Variants in KRTAP10-8 observed in about 807,000 individuals in gnomAD.
KRTAP10-8 encodes the protein keratin associated protein 10-8.
For synonymous variants in KRTAP10-8, 153 were observed against 139.5 expected, an observed-to-expected ratio of 1.10 and a Z score of -0.68; for missense variants, 323 against 329.3, an observed-to-expected ratio of 0.98 and a Z score of 0.15.
rs139387695 is a variant in KRTAP10-8, at chr21:44,612,751, C to T, written c.651C>T (p.Cys217=). 2.7e-4 allele frequency: 428 copies of T among 1,613,856 alleles called. 2 individuals are homozygous for T. The highest frequency in any genetic ancestry group is 2.1e-3 in the Admixed American group (124 of 60,022). ...SSVSLLCRPV[C]RPACCVPVPS... ...TGTCCCTCCTCTGCCGCCCTGTGTG[C>T]CGGCCTGCCTGCTGTGTGCCTGTCC... is the stretch of plus-strand genomic sequence containing the variant. The change falls in exon 1 of 1, where the codon TGC becomes TGT. Residue 217 remains cysteine, a synonymous_variant. Coordinates refer to ENST00000334662, the MANE Select transcript of KRTAP10-8 (RefSeq NM_198695.2). This position sits in a 1 kb window ranked among gnomAD's most constrained non-coding sequence, Gnocchi z 4.1.
Position 44,612,092 on chromosome 21 carries a change from G to A in KRTAP10-8, c.-9G>A. 3.1e-6 allele frequency: 5 copies of A among 1,611,660 alleles called. No individual in the cohort carries two copies. The highest frequency in any genetic ancestry group is 4.2e-6 in the Non-Finnish European group (5 of 1,178,708). ...ACCAGCACTCACACCACCCAGTCCA[G>A]CACCCACCATGGCTGACGCCTGCTG... is the stretch of plus-strand genomic sequence containing the variant. On this transcript the variant is annotated 5_prime_UTR_variant, in exon 1 of 1. Coordinates refer to ENST00000334662, the MANE Select transcript of KRTAP10-8 (RefSeq NM_198695.2). The surrounding 1 kb of genome is among the most constrained non-coding windows in gnomAD (Gnocchi z 4.1).
rs782238327 is a variant in KRTAP10-8 at position 44,612,126 on chromosome 21, C to T, written c.26C>T (p.Thr9Met). The T allele has an allele frequency of 7.4e-6, 12 of 1,614,064 alleles. No homozygotes were observed. The highest frequency in any genetic ancestry group is 3.3e-5 in the Admixed American group (2 of 60,020). The change falls in exon 1 of 1, where the codon ACG (threonine) becomes ATG (methionine). Residue 9 changes from threonine to methionine, a missense_variant. Thr to Met is a moderately conservative substitution (Grantham distance 81, BLOSUM62 -1). Coordinates refer to ENST00000334662, the MANE Select transcript of KRTAP10-8 (RefSeq NM_198695.2). This position sits in a 1 kb window ranked among gnomAD's most constrained non-coding sequence, Gnocchi z 4.1. MADACCTR[T>M]YVIAASTMSV... Reference sequence around the variant, plus strand: ...ATGGCTGACGCCTGCTGCACCAGGACGTATGTGATTGCTGCATCCACCATG... The same window carrying T: ...ATGGCTGACGCCTGCTGCACCAGGATGTATGTGATTGCTGCATCCACCATG...
In KRTAP10-8 at chr21:44,612,204, C is replaced by G; in HGVS notation, c.104C>G (p.Thr35Ser). Residue 35 changes from threonine (T) to serine (S), a missense_variant, in exon 1 of 1, where the codon ACC becomes AGC. Physicochemically the swap from Thr to Ser is moderately conservative, Grantham distance 58 (BLOSUM62 1). Transcript: ENST00000334662. This position sits in a 1 kb window ranked among gnomAD's most constrained non-coding sequence, Gnocchi z 4.1. Reference sequence around the variant, plus strand: ...GTCAGCCGAGTCTCCTCCCCCAGCACCTGCACTGGCTCCTCCTGGCAGGTG... The same window carrying G: ...GTCAGCCGAGTCTCCTCCCCCAGCAGCTGCACTGGCTCCTCCTGGCAGGTG... ...GHVSRVSSPSTCTGSSWQVDN... is the reference protein window; with the variant it reads ...GHVSRVSSPSSCTGSSWQVDN... 2 of 1,614,008 alleles carry G rather than the reference C, an allele frequency of 1.2e-6. No individual in the cohort carries two copies. Among genetic ancestry groups the G allele is most frequent in the Non-Finnish European group, 1.7e-6 (2 of 1,180,006 alleles).
chr21:44,612,713 CCCT>C lies in KRTAP10-8; in HGVS notation c.622_624del (p.Ser208del). 6.2e-7 allele frequency: 1 copy of C among 1,613,876 alleles called. No homozygotes were observed. The highest frequency in any genetic ancestry group is 2.2e-5 in the East Asian group (1 of 44,874). On this transcript the variant is annotated inframe_deletion, in exon 1 of 1. Coordinates refer to ENST00000334662, the MANE Select transcript of KRTAP10-8 (RefSeq NM_198695.2). This position sits in a 1 kb window ranked among gnomAD's most constrained non-coding sequence, Gnocchi z 4.1. ...TTGCTGCACCACCTCCTGCTGCAGA[CCCT>C]CCTCCTCCGTGTCCCTCCTCTGCCG...
Position 44,612,448 on chromosome 21 carries a change from G to A in KRTAP10-8, c.348G>A (p.Gln116=), listed in dbSNP as rs145256772. 351 of 1,611,652 alleles carry A rather than the reference G, an allele frequency of 2.2e-4. 1 individual carries two copies. The African/African-American group carries it at 3.7e-3, about 17-fold the overall frequency. ...GCTGCACCTCCTCCCCCTGCCAACA[G>A]GCCTGCTGTGTGCCTGTGTGCTGCA... ...PACCTSSPCQ[Q]ACCVPVCCKS... The change falls in exon 1 of 1, where the codon CAG becomes CAA. Residue 116 remains glutamine (Q), a synonymous_variant. Transcript: ENST00000334662. This position sits in a 1 kb window ranked among gnomAD's most constrained non-coding sequence, Gnocchi z 4.1.
chr21:44,612,530 C>A lies in KRTAP10-8; in HGVS notation c.430C>A (p.Pro144Thr), dbSNP rs1981770157. The A allele has an allele frequency of 6.2e-7, 1 of 1,608,652 alleles. No individual in the cohort carries two copies. The part of the protein sequence containing the change: ...CVSICSGASS[P>T]CCQQSSCQSA... ...GTCCATCTGCTCTGGAGCTTCCTCC[C>A]CATGCTGCCAGCAGTCTAGCTGCCA... The change falls in exon 1 of 1, where the codon CCA (proline) becomes ACA (threonine). Residue 144 changes from proline to threonine, a missense_variant. Physicochemically the swap from Pro to Thr is conservative, Grantham distance 38 (BLOSUM62 -1). Coordinates refer to ENST00000334662, the MANE Select transcript of KRTAP10-8 (RefSeq NM_198695.2). The surrounding 1 kb of genome is among the most constrained non-coding windows in gnomAD (Gnocchi z 4.1).
Position 44,612,369 on chromosome 21 carries a change from G to A in KRTAP10-8, c.269G>A (p.Cys90Tyr), listed in dbSNP as rs781940173. ...GAGCCCAGCCCCTGCCAATCAGGCT[G>A]CACCGACTCCTGCACACCTTCATGC... Reference protein sequence around the residue: ...SCEPSPCQSGCTDSCTPSCCQ... With the variant: ...SCEPSPCQSGYTDSCTPSCCQ... The change falls in exon 1 of 1, where the codon TGC (cysteine) becomes TAC (tyrosine). Residue 90 changes from cysteine (C) to tyrosine (Y), a missense_variant. Transcript: ENST00000334662. The surrounding 1 kb of genome is among the most constrained non-coding windows in gnomAD (Gnocchi z 4.1). 1.2e-6 allele frequency: 2 copies of A among 1,614,006 alleles called. No individual in the cohort carries two copies. The highest frequency in any genetic ancestry group is 3.3e-5 in the Admixed American group (2 of 60,018).
In KRTAP10-8 at chr21:44,612,135, T is replaced by C; in HGVS notation, c.35T>C (p.Ile12Thr). 1.2e-6 allele frequency: 2 copies of C among 1,614,094 alleles called. No individual in the cohort carries two copies. The highest frequency in any genetic ancestry group is 1.7e-6 in the Non-Finnish European group (2 of 1,180,002). The change falls in exon 1 of 1, where the codon ATT becomes ACT. Residue 12 changes from isoleucine (I) to threonine (T), a missense_variant. Physicochemically the swap from Ile to Thr is moderately conservative, Grantham distance 89. Transcript: ENST00000334662. The surrounding 1 kb of genome is among the most constrained non-coding windows in gnomAD (Gnocchi z 4.1). ...ADACCTRTYV[I>T]AASTMSVCSS... ...GCCTGCTGCACCAGGACGTATGTGA[T>C]TGCTGCATCCACCATGTCTGTCTGC...
chr21:44,612,779 T>A lies in KRTAP10-8; in HGVS notation c.679T>A (p.Ser227Thr). Residue 227 changes from serine (S) to threonine (T), a missense_variant, in exon 1 of 1, where the codon TCC becomes ACC. Physicochemically the swap from Ser to Thr is moderately conservative, Grantham distance 58. Coordinates refer to ENST00000334662, the MANE Select transcript of KRTAP10-8 (RefSeq NM_198695.2). This position sits in a 1 kb window ranked among gnomAD's most constrained non-coding sequence, Gnocchi z 4.1. The part of the protein sequence containing the change: ...CRPACCVPVP[S>T]CCVPASSCQP... Reference sequence around the variant, plus strand: ...GCCTGCCTGCTGTGTGCCTGTCCCCTCCTGTTGTGTCCCTGCCTCCTCCTG... The same window carrying A: ...GCCTGCCTGCTGTGTGCCTGTCCCCACCTGTTGTGTCCCTGCCTCCTCCTG... The A allele has an allele frequency of 2.5e-6, 4 of 1,613,088 alleles. No homozygotes were observed. The highest frequency in any genetic ancestry group is 3.4e-6 in the Non-Finnish European group (4 of 1,179,828).
In KRTAP10-8 at chr21:44,612,110, G is replaced by A. The variant is rs991800614; in HGVS notation, c.10G>A (p.Ala4Thr). Residue 4 changes from alanine to threonine, a missense_variant, in exon 1 of 1, where the codon GCC becomes ACC. By Grantham distance (58) the Ala-to-Thr change is moderately conservative (BLOSUM62 0). Transcript: ENST00000334662. The surrounding 1 kb of genome is among the most constrained non-coding windows in gnomAD (Gnocchi z 4.1). ...CAGTCCAGCACCCACCATGGCTGAC[G>A]CCTGCTGCACCAGGACGTATGTGAT... MAD[A>T]CCTRTYVIAA... is the part of the protein sequence containing the mutation. 12 of 1,613,432 alleles carry A rather than the reference G, an allele frequency of 7.4e-6. No homozygotes were observed. Among genetic ancestry groups the A allele is most frequent in the South Asian group, 4.4e-5 (4 of 91,040 alleles).
At chr21:44,612,537 G>GC in the KRTAP10-8 span, 1 of 1,612,352 alleles carries the variant, frequency 6.2e-7, no homozygotes, top group Non-Finnish European at 8.5e-7. The surrounding 1 kb of genome is among the most constrained non-coding windows in gnomAD (Gnocchi z 4.1). Context: ...TCCCCATGCT[G>GC]CCAGCAGTCT....
the KRTAP10-8 span, chr21:44,612,425 T>TGCAC: frequency 3.1e-6 from 5 of 1,613,960 alleles, no homozygotes; most frequent in Non-Finnish European, 4.2e-6. This position sits in a 1 kb window ranked among gnomAD's most constrained non-coding sequence, Gnocchi z 4.1. Context: ...GCCGGCTTGC[T>TGCAC]GCACCTCCTC....
Position 44,612,112 on chromosome 21 carries a change from C to G in KRTAP10-8, c.12C>G (p.Ala4=). The change falls in exon 1 of 1, where the codon GCC becomes GCG. Residue 4 remains alanine, a synonymous_variant. Coordinates refer to ENST00000334662, the MANE Select transcript of KRTAP10-8 (RefSeq NM_198695.2). The surrounding 1 kb of genome is among the most constrained non-coding windows in gnomAD (Gnocchi z 4.1). ...GTCCAGCACCCACCATGGCTGACGC[C>G]TGCTGCACCAGGACGTATGTGATTG... MAD[A]CCTRTYVIAA... 2 of 1,613,534 alleles carry G rather than the reference C, an allele frequency of 1.2e-6. No individual in the cohort carries two copies. The highest frequency in any genetic ancestry group is 1.7e-6 in the Non-Finnish European group (2 of 1,179,730).
At position 44,612,740 on chromosome 21, in the gene KRTAP10-8, C is replaced by A; in HGVS notation, c.640C>A (p.Arg214Ser). Reference protein sequence around the residue: ...RPSSSVSLLCRPVCRPACCVP... With the variant: ...RPSSSVSLLCSPVCRPACCVP... Reference sequence around the variant, plus strand: ...CTCCTCCTCCGTGTCCCTCCTCTGCCGCCCTGTGTGCCGGCCTGCCTGCTG... The same window carrying A: ...CTCCTCCTCCGTGTCCCTCCTCTGCAGCCCTGTGTGCCGGCCTGCCTGCTG... The change falls in exon 1 of 1, where the codon CGC (arginine) becomes AGC (serine). Residue 214 changes from arginine (R) to serine (S), a missense_variant. Coordinates refer to ENST00000334662, the MANE Select transcript of KRTAP10-8 (RefSeq NM_198695.2). This position sits in a 1 kb window ranked among gnomAD's most constrained non-coding sequence, Gnocchi z 4.1. 6.2e-7 allele frequency: 1 copy of A among 1,613,788 alleles called. No individual in the cohort carries two copies. The highest frequency in any genetic ancestry group is 8.5e-7 in the Non-Finnish European group (1 of 1,179,920).
In KRTAP10-8 at chr21:44,612,202, C is replaced by A. The variant is rs1555931141; in HGVS notation, c.102C>A (p.Ser34Arg). 2 of 1,613,978 alleles carry A rather than the reference C, an allele frequency of 1.2e-6. No homozygotes were observed. The highest frequency in any genetic ancestry group is 1.7e-6 in the Non-Finnish European group (2 of 1,180,000). Residue 34 changes from serine to arginine, a missense_variant, in exon 1 of 1, where the codon AGC (serine) becomes AGA (arginine). By Grantham distance (110) the Ser-to-Arg change is moderately radical (BLOSUM62 -1). Transcript: ENST00000334662. The surrounding 1 kb of genome is among the most constrained non-coding windows in gnomAD (Gnocchi z 4.1). The part of the protein sequence containing the change: ...VGHVSRVSSP[S>R]TCTGSSWQVD... ...ATGTCAGCCGAGTCTCCTCCCCCAG[C>A]ACCTGCACTGGCTCCTCCTGGCAGG...
rs137936745 is a variant in KRTAP10-8 at position 44,612,721 on chromosome 21, C to T, written c.621C>T (p.Ser207=). ...CCACCTCCTGCTGCAGACCCTCCTC[C>T]TCCGTGTCCCTCCTCTGCCGCCCTG... is the stretch of plus-strand genomic sequence containing the variant. ...CCTTSCCRPS[S]SVSLLCRPVC... Residue 207 remains serine, a synonymous_variant, in exon 1 of 1, where the codon TCC becomes TCT. Transcript: ENST00000334662. This position sits in a 1 kb window ranked among gnomAD's most constrained non-coding sequence, Gnocchi z 4.1. 5.6e-6 allele frequency: 9 copies of T among 1,613,740 alleles called. No homozygotes were observed. In the African/African-American group the frequency reaches 6.7e-5, roughly 12 times the overall value.
rs782592836 is a variant in KRTAP10-8 at position 44,612,560 on chromosome 21, G to A, written c.460G>A (p.Ala154Thr). 6.2e-7 allele frequency: 1 copy of A among 1,613,980 alleles called. No homozygotes were observed. Among genetic ancestry groups the A allele is most frequent in the South Asian group, 1.1e-5 (1 of 91,070 alleles). The change falls in exon 1 of 1, where the codon GCT (alanine) becomes ACT (threonine). Residue 154 changes from alanine to threonine, a missense_variant. Physicochemically the swap from Ala to Thr is moderately conservative, Grantham distance 58 (BLOSUM62 0). Coordinates refer to ENST00000334662, the MANE Select transcript of KRTAP10-8 (RefSeq NM_198695.2). The surrounding 1 kb of genome is among the most constrained non-coding windows in gnomAD (Gnocchi z 4.1). Reference protein sequence around the residue: ...PCCQQSSCQSACCTFSPCQQA... With the variant: ...PCCQQSSCQSTCCTFSPCQQA... ...CTGCCAGCAGTCTAGCTGCCAGTCA[G>A]CTTGCTGCACCTTCTCCCCATGCCA...
In KRTAP10-8 at chr21:44,612,146, A is replaced by T. The variant is rs782329609; in HGVS notation, c.46A>T (p.Thr16Ser). The change falls in exon 1 of 1, where the codon ACC becomes TCC. Residue 16 changes from threonine (T) to serine (S), a missense_variant. Physicochemically the swap from Thr to Ser is moderately conservative, Grantham distance 58 (BLOSUM62 1). Transcript: ENST00000334662. The surrounding 1 kb of genome is among the most constrained non-coding windows in gnomAD (Gnocchi z 4.1). ...CTRTYVIAASTMSVCSSDVGH... is the reference protein window; with the variant it reads ...CTRTYVIAASSMSVCSSDVGH... ...CAGGACGTATGTGATTGCTGCATCC[A>T]CCATGTCTGTCTGCTCCAGTGACGT... 6.2e-7 allele frequency: 1 copy of T among 1,613,974 alleles called. No homozygotes were observed. The highest frequency in any genetic ancestry group is 1.1e-5 in the South Asian group (1 of 91,070).
At position 44,612,814 on chromosome 21, in the gene KRTAP10-8, C is replaced by T. The variant is rs1284608204; in HGVS notation, c.714C>T (p.Ser238=). The T allele has an allele frequency of 1.4e-5, 23 of 1,613,150 alleles. No homozygotes were observed. The East Asian group carries it at 3.3e-4, about 23-fold the overall frequency. Residue 238 remains serine, a synonymous_variant, in exon 1 of 1, where the codon AGC becomes AGT. Coordinates refer to ENST00000334662, the MANE Select transcript of KRTAP10-8 (RefSeq NM_198695.2). The surrounding 1 kb of genome is among the most constrained non-coding windows in gnomAD (Gnocchi z 4.1). ...CCVPASSCQP[S]CCHPASCLSF... The stretch of plus-strand genomic sequence containing the variant: ...TCCCTGCCTCCTCCTGCCAGCCCAG[C>T]TGCTGCCACCCGGCCTCCTGCCTGT...
Sources: gnomAD v4.1 joint callset for allele counts on GRCh38, gnomAD v4.1.1 for gene constraint, Gnocchi (gnomAD v3.1) non-coding constraint, MANE v1.5 for transcripts, NCBI Gene and HGNC (gene_info 2026-07-23, HGNC 2026-07-21) for gene names.